Variants in TRIM24 observed in about 807,000 individuals in gnomAD.
TRIM24 encodes the protein tripartite motif containing 24.
TRIM24 carries 29 observed loss-of-function variants against 123.9 expected under a neutral mutation model. That is an observed-to-expected ratio of 0.23 (90% confidence interval 0.17 to 0.32). The LOEUF is 0.32. Ranked by LOEUF, TRIM24 falls within the 10% of genes least tolerant of loss-of-function variation. The probability of loss-of-function intolerance (pLI) is 1.00; values close to 1 mark genes in which losing one functional copy is unlikely to be tolerated. For missense variants in TRIM24, 932 were observed against 1,295.3 expected (o/e 0.72, Z 4.31); for synonymous variants, 456 against 461.1 (o/e 0.99, Z 0.14).
At chr7:138,504,514 C>T in intron 2 of TRIM24, 106 bp downstream of exon 2, 1 of 653,068 alleles carries the variant, frequency 1.5e-6, no homozygotes, top group East Asian at 3.2e-5. Flanking sequence ...GGCAGGAGTT[C>T]ACAAGTGGCG....
At chr7:138,462,530 C>T (rs901384136) in intron 1 of TRIM24, among the ~76,000 whole-genome samples, 9 of 151,276 alleles carry the variant, frequency 5.9e-5, no homozygotes, top group East Asian at 2.0e-4. Flanking sequence ...TTAGTAGAGA[C>T]GGGGTTTCAC....
chr7:138,499,353 C>A (rs1795980696), intron 1 of TRIM24, among the ~76,000 whole-genome samples: 3 of 152,142 alleles, frequency 2.0e-5, no homozygotes, highest in Admixed American at 2.0e-4. Context: ...TTACTACTTG[C>A]CTGAGTCCAG....
Position 138,554,303 on chromosome 7 carries a change from TGATA to T in TRIM24, c.1262-389_1262-386del, listed in dbSNP as rs1426164271. Among the ~76,000 whole-genome samples the T allele has an allele frequency of 6.6e-6, 1 of 152,178 alleles. No individual in the cohort carries two copies. The highest frequency in any genetic ancestry group is 1.5e-5 in the Non-Finnish European group (1 of 68,038). ...TATATTTTAACTTAACAATATATTATGATAGATAGTGCAGAAACAGATAATGTGA... is the reference window on the plus strand; with the variant it reads ...TATATTTTAACTTAACAATATATTATGATAGTGCAGAAACAGATAATGTGA... On this transcript the variant is annotated intron_variant, in intron 8 of 18. Transcript: ENST00000343526. The surrounding 1 kb of genome is among the most constrained non-coding windows in gnomAD (Gnocchi z 4.5).
chr7:138,494,568 T>G (rs1328106362), intron 1 of TRIM24, among the ~76,000 whole-genome samples: 2 of 152,060 alleles, frequency 1.3e-5, no homozygotes, highest in Non-Finnish European at 2.9e-5. Flanking sequence ...ACCCCTTCTG[T>G]GTTTTAAAAA....
intron 11 of TRIM24, among the ~76,000 whole-genome samples, chr7:138,572,991 T>C (rs538536699): frequency 6.6e-6 from 1 of 152,356 alleles, no homozygotes; most frequent in East Asian, 1.9e-4. Context: ...CTTCGTCTAT[T>C]TAGCACATAC....
chr7:138,565,554 C>T (rs28407067), intron 9 of TRIM24, among the ~76,000 whole-genome samples: 2,779 of 152,236 alleles, frequency 0.018, 70 homozygotes, highest in African/African-American at 0.061. Flanking sequence ...GTCTCACAGG[C>T]GAAGAGACAG....
chr7:138,478,545 C>A (rs753260356), intron 1 of TRIM24, among the ~76,000 whole-genome samples: 3 of 152,088 alleles, frequency 2.0e-5, no homozygotes, highest in Non-Finnish European at 2.9e-5. Flanking sequence ...AGTGCAAACA[C>A]AGCTTACTTC....
At chr7:138,463,989 C>CA (rs1554429651) in intron 1 of TRIM24, among the ~76,000 whole-genome samples, 7 of 50,758 alleles carry the variant, frequency 1.4e-4, no homozygotes, top group African/African-American at 4.9e-4. Flanking sequence ...AAAATTTAGA[C>CA]TTTTTTTTTT....
chr7:138,490,350 C>A (rs1439535283), intron 1 of TRIM24, among the ~76,000 whole-genome samples: 3 of 152,206 alleles, frequency 2.0e-5, no homozygotes, highest in Admixed American at 6.5e-5. Flanking sequence ...ATGCCTACTT[C>A]TGTCAACTCA....
At chr7:138,467,826 A>G (rs1420035997) in intron 1 of TRIM24, among the ~76,000 whole-genome samples, 2 of 152,114 alleles carry the variant, frequency 1.3e-5, no homozygotes, top group Admixed American at 6.6e-5. Flanking sequence ...TTTCATTTCA[A>G]ACTGTTGGTA....
At chr7:138,579,556 C>T (rs1464784098) in intron 15 of TRIM24, 24 bp downstream of exon 15, 3 of 1,517,996 alleles carry the variant, frequency 2.0e-6, no homozygotes, top group South Asian at 1.3e-5. Flanking sequence ...TCCCTTCCCA[C>T]ATTCTTTTAC....
intron 9 of TRIM24, among the ~76,000 whole-genome samples, chr7:138,561,064 G>T (rs1236776747): frequency 6.6e-6 from 1 of 152,056 alleles, no homozygotes; most frequent in Non-Finnish European, 1.5e-5. Context: ...CTTATATATA[G>T]CTCCATGAAC....
intron 3 of TRIM24, among the ~76,000 whole-genome samples, chr7:138,518,233 T>C (rs1796439393): frequency 1.3e-5 from 2 of 152,292 alleles, no homozygotes; most frequent in East Asian, 1.9e-4. Context: ...AAAAAAAATC[T>C]TTAAAAGACA....
chr7:138,512,235 G>A (rs1017469855), intron 2 of TRIM24, among the ~76,000 whole-genome samples: 1 of 152,136 alleles, frequency 6.6e-6, no homozygotes, highest in East Asian at 1.9e-4. Context: ...TGCTCTCATG[G>A]GTTGACATTG....
chr7:138,551,447 T>C (rs551394985), intron 8 of TRIM24, among the ~76,000 whole-genome samples: 3 of 152,238 alleles, frequency 2.0e-5, no homozygotes, highest in Non-Finnish European at 4.4e-5. Context: ...CTTGGAAGGC[T>C]GATGCTGGAG....
intron 1 of TRIM24, among the ~76,000 whole-genome samples, chr7:138,463,051 T>G (rs893903747): frequency 1.7e-4 from 21 of 124,854 alleles, no homozygotes; most frequent in African/African-American, 6.3e-4. Flanking sequence ...GTGTTTTTTT[T>G]TTTTTTTTTT....
chr7:138,516,816 T>TG (rs1448595883), intron 3 of TRIM24, among the ~76,000 whole-genome samples: 12 of 150,380 alleles, frequency 8.0e-5, no homozygotes, highest in African/African-American at 2.9e-4. Flanking sequence ...CCGTTTTGTT[T>TG]TTTTTTTTTT....
intron 1 of TRIM24, among the ~76,000 whole-genome samples, chr7:138,476,430 T>C (rs1795401456): frequency 6.6e-6 from 1 of 151,934 alleles, no homozygotes; most frequent in Admixed American, 6.6e-5. Flanking sequence ...CTGTCTCTAC[T>C]AAAAATACAA....
chr7:138,504,445 C>CTTT (rs1563036690), intron 2 of TRIM24, 37 bp downstream of exon 2: 8 of 311,386 alleles, frequency 2.6e-5, no homozygotes, highest in South Asian at 7.7e-5. Context: ...TGCCTGCCAG[C>CTTT]TCTTTTTTTT....
Sources: gnomAD v4.1 joint callset for allele counts (sites outside exome capture counted in the v4.1 genomes callset) on GRCh38, gnomAD v4.1.1 for gene constraint, Gnocchi (gnomAD v3.1) non-coding constraint, MANE v1.5 for transcripts, NCBI Gene and HGNC (gene_info 2026-07-23, HGNC 2026-07-21) for gene names.